The following SMKR1 variants were observed in gnomAD, a reference collection of about 807,000 sequenced individuals.
The protein encoded by SMKR1 is small lysine-rich protein 1.
Under a neutral mutation model 4.0 loss-of-function variants are expected in SMKR1, and 4 were observed. The ratio of observed to expected loss-of-function variants is 1.00; its 90% CI spans 0.49 to 2.30. The LOEUF (loss-of-function observed/expected upper bound fraction) is 2.30. Among genes scored for constraint, SMKR1 ranks in the 30% most tolerant of loss-of-function variants. The pLI, the probability that SMKR1 is intolerant of heterozygous loss-of-function variation, is 0.02. For synonymous variants in SMKR1, 38 were observed against 32.5 expected, an observed-to-expected ratio of 1.17 and a Z score of -0.58; for missense variants, 56 against 81.8, an observed-to-expected ratio of 0.68 and a Z score of 1.22.
chr7:129,512,199 C>T, intron 1 of SMKR1, 48 bp from the exon 2 acceptor site: 1 of 1,468,640 alleles, frequency 6.8e-7, no homozygotes, highest in African/African-American at 1.4e-5. Context: ...AAAACAAAAA[C>T]CAAAAAACTA....
In SMKR1 at chr7:129,512,259, A is replaced by G. The variant is rs1199657885; in HGVS notation, c.16A>G (p.Lys6Glu). Residue 6 changes from lysine (K) to glutamate (E), a missense_variant, in exon 2 of 2, where the codon AAA becomes GAA. Coordinates refer to ENST00000462322, the MANE Select transcript of SMKR1 (RefSeq NM_001195243.2). MPAKGKKGKGQGKSHG... is the reference protein window; with the variant it reads MPAKGEKGKGQGKSHG... ...TTGTCTTTGAAAGCCAGCTAAAGGG[A>G]AAAAAGGAAAAGGCCAGGGCAAGTC... is the stretch of plus-strand genomic sequence containing the variant. 1.3e-6 allele frequency: 2 copies of G among 1,509,820 alleles called. No homozygotes were observed. The highest frequency in any genetic ancestry group is 1.8e-6 in the Non-Finnish European group (2 of 1,140,108). 93.5% of individuals were successfully genotyped at this position (1,509,820 alleles called of 1,614,324 possible). A position where few individuals can be genotyped will look rare whatever the true frequency, so the allele number is the denominator to read the frequency against.
At chr7:129,504,359 G>T (rs1799442947) in intron 1 of SMKR1, among the ~76,000 whole-genome samples, 3 of 152,102 alleles carry the variant, frequency 2.0e-5, no homozygotes, top group African/African-American at 7.2e-5. Context: ...CCGTCTCTTT[G>T]TGCACCTTCT....
At chr7:129,506,400 C>T (rs187964846) in intron 1 of SMKR1, among the ~76,000 whole-genome samples, 6 of 152,256 alleles carry the variant, frequency 3.9e-5, no homozygotes, top group Admixed American at 2.6e-4. Flanking sequence ...CATGATCGTG[C>T]CACTGTACTC....
At chr7:129,509,200 C>T (rs1799500790) in intron 1 of SMKR1, among the ~76,000 whole-genome samples, 1 of 152,156 alleles carries the variant, frequency 6.6e-6, no homozygotes, top group Admixed American at 6.5e-5. Flanking sequence ...ATAATGCCAG[C>T]TATTCGGGAG....
intron 1 of SMKR1, among the ~76,000 whole-genome samples, chr7:129,511,374 C>T (rs553615200): frequency 4.6e-5 from 7 of 152,214 alleles, no homozygotes; most frequent in South Asian, 2.1e-4. Flanking sequence ...TCGGGGGCAG[C>T]GGGGGAGCTG....
chr7:129,509,081 G>A (rs1266127980), intron 1 of SMKR1, among the ~76,000 whole-genome samples: 2 of 152,184 alleles, frequency 1.3e-5, no homozygotes, highest in East Asian at 1.9e-4. Context: ...TTGGGAGGCC[G>A]AGGCAGGCAG....
chr7:129,508,191 C>T (rs1452320349), intron 1 of SMKR1, among the ~76,000 whole-genome samples: 1 of 152,094 alleles, frequency 6.6e-6, no homozygotes, highest in African/African-American at 2.4e-5. Flanking sequence ...TATGGTGAGA[C>T]TATGGGTTGA....
At position 129,512,671 on chromosome 7, in the gene SMKR1, G is replaced by A; in HGVS notation, c.*230G>A. Reference sequence around the variant, plus strand: ...AGGAGCTATAGGATGGGAAAAGCCTGAGTAATTCCTACACAGTGTGCTGAA... The same window carrying A: ...AGGAGCTATAGGATGGGAAAAGCCTAAGTAATTCCTACACAGTGTGCTGAA... On this transcript the variant is annotated 3_prime_UTR_variant, in exon 2 of 2. Transcript: ENST00000462322. 1 of 474,602 alleles carries A rather than the reference G, an allele frequency of 2.1e-6. No homozygotes were observed. The highest frequency in any genetic ancestry group is 3.7e-6 in the Non-Finnish European group (1 of 272,242). The allele number at this position is 474,602 out of a possible 1,614,324, so 29.4% of individuals were successfully genotyped here. A position where few individuals can be genotyped will look rare whatever the true frequency, so the allele number is the denominator to read the frequency against.
At chr7:129,506,544 A>G (rs1799466901) in intron 1 of SMKR1, among the ~76,000 whole-genome samples, 1 of 152,028 alleles carries the variant, frequency 6.6e-6, no homozygotes, top group Non-Finnish European at 1.5e-5. Flanking sequence ...GCCATCACCC[A>G]TTTTTTTGTA....
chr7:129,512,603 CT>C lies in SMKR1; in HGVS notation c.*164del, dbSNP rs1799538895. The C allele has an allele frequency of 9.2e-6, 7 of 759,178 alleles. No homozygotes were observed. In the East Asian group the frequency reaches 2.1e-4, roughly 23 times the overall value. 47.0% of individuals were successfully genotyped at this position (759,178 alleles called of 1,614,324 possible). A position where few individuals can be genotyped will look rare whatever the true frequency, so the allele number is the denominator to read the frequency against. On this transcript the variant is annotated 3_prime_UTR_variant, in exon 2 of 2. Transcript: ENST00000462322. ...GTGGAAGATCAGGAAATGCACCTTA[CT>C]TCCTCTGTTATGCCAGATATGGTTA...
At chr7:129,506,997 TACC>T (rs1799473552) in intron 1 of SMKR1, among the ~76,000 whole-genome samples, 1 of 151,192 alleles carries the variant, frequency 6.6e-6, no homozygotes, top group Non-Finnish European at 1.5e-5. Flanking sequence ...TACAGATGCA[TACC>T]ACCACCACAT....
intron 1 of SMKR1, among the ~76,000 whole-genome samples, chr7:129,507,358 G>A (rs902660021): frequency 2.6e-5 from 4 of 151,610 alleles, no homozygotes; most frequent in African/African-American, 9.7e-5. Flanking sequence ...TTTTGTTGCC[G>A]GGGCTGATCT....
At position 129,512,442 on chromosome 7, in the gene SMKR1, C is replaced by G. The variant is rs1799537210; in HGVS notation, c.*1C>G. The G allele has an allele frequency of 6.5e-7, 1 of 1,533,196 alleles. No individual in the cohort carries two copies. 95.0% of individuals were successfully genotyped at this position (1,533,196 alleles called of 1,614,324 possible). ...AGGAAAGAAAGGGAGAAGCAAGTGA[C>G]AGCATTTCACAACACATCTCTGTTA... On this transcript the variant is annotated 3_prime_UTR_variant, in exon 2 of 2. Coordinates refer to ENST00000462322, the MANE Select transcript of SMKR1 (RefSeq NM_001195243.2).
Position 129,502,636 on chromosome 7 carries a change from C to A in SMKR1, c.-189C>A. ...GCGGCTGGCTGCCTCCCGAGCCGGC[C>A]GCGCTCCTCCCAGCGAGGCGTGGCG... On this transcript the variant is annotated 5_prime_UTR_variant, in exon 1 of 2. Transcript: ENST00000462322. 1 of 810,764 alleles carries A rather than the reference C, an allele frequency of 1.2e-6. No individual in the cohort carries two copies. Among genetic ancestry groups the A allele is most frequent in the Non-Finnish European group, 1.8e-6 (1 of 557,332 alleles). 50.2% of individuals were successfully genotyped at this position (810,764 alleles called of 1,614,324 possible).
chr7:129,505,656 A>G (rs1011375867), intron 1 of SMKR1, among the ~76,000 whole-genome samples: 1 of 151,392 alleles, frequency 6.6e-6, no homozygotes, highest in East Asian at 1.9e-4. Context: ...TTTTTTTTGT[A>G]TTTTTAGTAG....
At position 129,512,874 on chromosome 7, in the gene SMKR1, C is replaced by CT. The variant is rs11463371; in HGVS notation, c.*445dup. ...ACATTCCTCTCTTGGGCACCATTTC[C>CT]TTTTTTTTTTTTAATGGAAAATAAT... On this transcript the variant is annotated 3_prime_UTR_variant, in exon 2 of 2. Coordinates refer to ENST00000462322, the MANE Select transcript of SMKR1 (RefSeq NM_001195243.2). 6,147 of 143,588 alleles carry CT rather than the reference C, an allele frequency of 0.043. 278 individuals are homozygous for CT. Among genetic ancestry groups the CT allele is most frequent in the East Asian group, 0.18 (895 of 5,000 alleles). The allele number at this position is 143,588 out of a possible 1,614,324, so 8.9% of individuals were successfully genotyped here.
chr7:129,502,671 A>C lies in SMKR1; in HGVS notation c.-154A>C. On this transcript the variant is annotated 5_prime_UTR_variant, in exon 1 of 2. Coordinates refer to ENST00000462322, the MANE Select transcript of SMKR1 (RefSeq NM_001195243.2). ...CCAGCGAGGCGTGGCGGGGAGGCGT[A>C]GTGAGGCTGGGCCCGTGGCGGTTCC... is the stretch of plus-strand genomic sequence containing the variant. 1.8e-6 allele frequency: 2 copies of C among 1,109,746 alleles called. No homozygotes were observed. The highest frequency in any genetic ancestry group is 2.5e-6 in the Non-Finnish European group (2 of 799,370). 68.7% of individuals were successfully genotyped at this position (1,109,746 alleles called of 1,614,324 possible). A position where few individuals can be genotyped will look rare whatever the true frequency, so the allele number is the denominator to read the frequency against.
chr7:129,508,099 G>A (rs1399125213), intron 1 of SMKR1, among the ~76,000 whole-genome samples: 1 of 152,048 alleles, frequency 6.6e-6, no homozygotes, highest in Non-Finnish European at 1.5e-5. Context: ...TAACAAAAGT[G>A]TCTTCTCTAT....
intron 1 of SMKR1, 36 bp downstream of exon 1, chr7:129,502,863 G>A (rs1584984031): frequency 2.0e-6 from 3 of 1,534,172 alleles, no homozygotes; most frequent in African/African-American, 2.8e-5. Context: ...CGGGGCCAGG[G>A]CGCGCGCCGT....
Sources: allele counts gnomAD v4.1 joint callset (sites outside exome capture counted in the v4.1 genomes callset), GRCh38; gene constraint gnomAD v4.1.1; transcripts MANE v1.5; gene names NCBI Gene and HGNC (gene_info 2026-07-23, HGNC 2026-07-21).